The following KLHL1 variants were observed in gnomAD, a reference collection of about 807,000 sequenced individuals.
KLHL1 encodes kelch like family member 1.
In KLHL1, 47 loss-of-function variants were observed where a neutral mutation model predicts 77.7. The ratio of observed to expected loss-of-function variants is 0.60; its 90% CI spans 0.48 to 0.77. KLHL1 has a LOEUF of 0.77. KLHL1 is among the 30% of genes least tolerant of loss of function. The pLI is 0.00. For synonymous variants in KLHL1, 360 were observed against 325.2 expected, an observed-to-expected ratio of 1.11 and a Z score of -1.15; for missense variants, 925 against 910.8, an observed-to-expected ratio of 1.02 and a Z score of -0.20.
chr13:69,878,237 C>G (rs183218049), intron 5 of KLHL1, among the ~76,000 whole-genome samples: 19 of 151,828 alleles, frequency 1.3e-4, no homozygotes, highest in Middle Eastern at 3.4e-3. Context: ...ATCCTGGAAA[C>G]ATCTGTTTTT....
At chr13:69,827,758 T>C (rs1878607602) in intron 6 of KLHL1, among the ~76,000 whole-genome samples, 1 of 151,040 alleles carries the variant, frequency 6.6e-6, no homozygotes, top group Non-Finnish European at 1.5e-5. Context: ...AAAAAGTTAT[T>C]CTTAGCACAT....
intron 8 of KLHL1, among the ~76,000 whole-genome samples, chr13:69,730,266 AATGT>A (rs765683045): frequency 8.0e-6 from 1 of 125,080 alleles, no homozygotes; most frequent in African/African-American, 3.2e-5. Context: ...CTAACACTTT[AATGT>A]GTGTGTGTGT....
chr13:70,089,774 T>A (rs1192524830), intron 1 of KLHL1, among the ~76,000 whole-genome samples: 1 of 152,134 alleles, frequency 6.6e-6, no homozygotes, highest in Non-Finnish European at 1.5e-5. Context: ...CTTGCCTCAA[T>A]TTTTAAGTTA....
In KLHL1 at chr13:70,050,921, A is replaced by G. The variant is rs575062484; in HGVS notation, c.497+56282T>C. 8.5e-5 allele frequency among the ~76,000 whole-genome samples: 13 copies of G among 152,100 alleles called. No homozygotes were observed. The East Asian group carries it at 2.5e-3, about 29-fold the overall frequency. On this transcript the variant is annotated intron_variant, in intron 1 of 10. Coordinates refer to ENST00000377844, the MANE Select transcript of KLHL1 (RefSeq NM_020866.3). Reference sequence around the variant, plus strand: ...CATTAAATTGAATCTCATATTTGTCATAGCTAATTGGAGCAGATAAGTACC... The same window carrying G: ...CATTAAATTGAATCTCATATTTGTCGTAGCTAATTGGAGCAGATAAGTACC...
chr13:69,753,955 G>A (rs1874596199), intron 7 of KLHL1, among the ~76,000 whole-genome samples: 1 of 151,924 alleles, frequency 6.6e-6, no homozygotes, highest in Non-Finnish European at 1.5e-5. Context: ...TCCCACTTCA[G>A]CCTCCCAGGT....
intron 1 of KLHL1, among the ~76,000 whole-genome samples, chr13:70,080,946 G>A (rs1887377614): frequency 6.6e-6 from 1 of 152,164 alleles, no homozygotes; most frequent in African/African-American, 2.4e-5. Context: ...TTGGAATATA[G>A]CAGCTTAAAT....
intron 1 of KLHL1, among the ~76,000 whole-genome samples, chr13:70,052,316 C>A (rs912122076): frequency 6.6e-6 from 1 of 151,362 alleles, no homozygotes; most frequent in Non-Finnish European, 1.5e-5. Flanking sequence ...TTACTTTGGC[C>A]CTATGTAAAC....
chr13:69,869,025 T>C (rs1880478956), intron 5 of KLHL1, among the ~76,000 whole-genome samples: 1 of 152,072 alleles, frequency 6.6e-6, no homozygotes, highest in Non-Finnish European at 1.5e-5. Context: ...AGACCTGAAT[T>C]GGCCTGATAA....
chr13:69,704,846 C>T (rs190171724), intron 10 of KLHL1, among the ~76,000 whole-genome samples: 26 of 151,726 alleles, frequency 1.7e-4, no homozygotes, highest in South Asian at 6.2e-4. Context: ...ATAAAAGTAA[C>T]GCTGAATGTA....
chr13:70,034,836 A>C (rs2137371292), intron 1 of KLHL1, among the ~76,000 whole-genome samples: 1 of 152,266 alleles, frequency 6.6e-6, no homozygotes, highest in South Asian at 2.1e-4. Context: ...GACTTATTGA[A>C]ATTAAATCAG....
chr13:69,895,715 T>TG (rs1183846590), intron 4 of KLHL1, among the ~76,000 whole-genome samples: 1 of 149,992 alleles, frequency 6.7e-6, no homozygotes, highest in East Asian at 2.0e-4. Context: ...CTTTTTTCCT[T>TG]TTTTTTTTTT....
At chr13:69,973,959 A>C (rs1313403051) in intron 2 of KLHL1, among the ~76,000 whole-genome samples, 1 of 151,940 alleles carries the variant, frequency 6.6e-6, no homozygotes, top group Non-Finnish European at 1.5e-5. Context: ...GCCCCGCTTT[A>C]ACCAATCAAA....
At chr13:70,029,050 A>G (rs1269962477) in intron 1 of KLHL1, among the ~76,000 whole-genome samples, 1 of 151,954 alleles carries the variant, frequency 6.6e-6, no homozygotes, top group Non-Finnish European at 1.5e-5. Context: ...AAGGATTGCT[A>G]TGATCAGTAA....
intron 1 of KLHL1, among the ~76,000 whole-genome samples, chr13:70,076,148 T>C (rs938564488): frequency 6.6e-6 from 1 of 151,920 alleles, no homozygotes; most frequent in Non-Finnish European, 1.5e-5. Flanking sequence ...AAAGTTTATA[T>C]GGAACTGCAA....
At chr13:69,739,286 C>T (rs546139347) in intron 8 of KLHL1, among the ~76,000 whole-genome samples, 4 of 152,084 alleles carry the variant, frequency 2.6e-5, no homozygotes, top group Non-Finnish European at 5.9e-5. Context: ...TGTTACCAGC[C>T]GCAACGAAAA....
chr13:69,846,591 A>C (rs1879467414), intron 5 of KLHL1, among the ~76,000 whole-genome samples: 1 of 151,504 alleles, frequency 6.6e-6, no homozygotes, highest in Non-Finnish European at 1.5e-5. Context: ...TGGCTTTATT[A>C]ACAAGTTCAT....
intron 8 of KLHL1, among the ~76,000 whole-genome samples, chr13:69,735,011 CTGGAATA>C (rs748674206): frequency 1.3e-5 from 2 of 151,916 alleles, no homozygotes; most frequent in Non-Finnish European, 2.9e-5. Context: ...AAAGTCATAG[CTGGAATA>C]TGGAATGCAA....
chr13:70,058,347 A>G (rs1257573812), intron 1 of KLHL1, among the ~76,000 whole-genome samples: 1 of 152,222 alleles, frequency 6.6e-6, no homozygotes, highest in Non-Finnish European at 1.5e-5. Context: ...CTCCACCAAA[A>G]AAAAGCTATT....
intron 3 of KLHL1, among the ~76,000 whole-genome samples, chr13:69,942,406 G>T (rs867343156): frequency 7.2e-5 from 11 of 151,920 alleles, no homozygotes; most frequent in Non-Finnish European, 1.6e-4. Flanking sequence ...TTGCCAGTTT[G>T]TGTATATTTT....
Sources: gnomAD v4.1 joint callset for allele counts (sites outside exome capture counted in the v4.1 genomes callset) on GRCh38, gnomAD v4.1.1 for gene constraint, MANE v1.5 for transcripts, NCBI Gene and HGNC (gene_info 2026-07-23, HGNC 2026-07-21) for gene names.